The following PURG variants were observed in gnomAD, a reference collection of about 807,000 sequenced individuals.
PURG encodes purine-rich element-binding protein gamma.
In PURG, 3 loss-of-function variants were observed where a neutral mutation model predicts 24.3. That is an observed-to-expected ratio of 0.12 (90% CI 0.06 to 0.32). PURG has a LOEUF of 0.32. Among genes scored for constraint, PURG ranks in the 10% least tolerant of loss-of-function variants. The pLI, the probability that PURG is intolerant of heterozygous loss-of-function variation, is 1.00. For missense variants in PURG, 371 were observed against 439.1 expected (o/e 0.84, Z 1.39); for synonymous variants, 180 against 173.1 (o/e 1.04, Z -0.31).
At chr8:31,007,921 AT>A (rs1810685984) in intron 1 of PURG, among the ~76,000 whole-genome samples, 1 of 152,182 alleles carries the variant, frequency 6.6e-6, no homozygotes. Flanking sequence ...TGGATAGTTT[AT>A]TCATTTTCTT....
downstream of PURG, among the ~76,000 whole-genome samples, chr8:31,025,963 A>T (rs1177315199): frequency 2.0e-5 from 3 of 151,862 alleles, no homozygotes; most frequent in African/African-American, 7.2e-5. Context: ...CTTCAGTGAA[A>T]AATCAATGCT....
At chr8:31,021,720 T>C (rs908932269) in intron 1 of PURG, among the ~76,000 whole-genome samples, 1 of 152,204 alleles carries the variant, frequency 6.6e-6, no homozygotes, top group Non-Finnish European at 1.5e-5. Context: ...TGGGTTCAAA[T>C]ACATTAGTTC....
chr8:30,997,332 C>T (rs1810448588), intron 1 of PURG, among the ~76,000 whole-genome samples: 1 of 151,708 alleles, frequency 6.6e-6, no homozygotes, highest in South Asian at 2.1e-4. Flanking sequence ...CTCAGCATCA[C>T]AAAATACTCA....
At chr8:31,029,481 C>A (rs2129848967), downstream of PURG, among the ~76,000 whole-genome samples, 1 of 151,490 alleles carries the variant, frequency 6.6e-6, no homozygotes, top group South Asian at 2.1e-4. Context: ...TGTATACACA[C>A]ATATATATGT....
At chr8:31,030,686 C>T (rs138953206), downstream of PURG, among the ~76,000 whole-genome samples, 2 of 150,606 alleles carry the variant, frequency 1.3e-5, no homozygotes, top group East Asian at 3.9e-4. Flanking sequence ...AATTAAAACA[C>T]CTGTAAAATT....
intron 1 of PURG, among the ~76,000 whole-genome samples, chr8:31,018,220 A>G (rs971215791): frequency 6.6e-6 from 1 of 152,228 alleles, no homozygotes; most frequent in South Asian, 2.1e-4. Context: ...TGTTTTCACA[A>G]TAATATTAGA....
chr8:31,022,392 GT>G (rs1464214744), intron 1 of PURG, among the ~76,000 whole-genome samples: 2 of 152,186 alleles, frequency 1.3e-5, no homozygotes, highest in African/African-American at 4.8e-5. Flanking sequence ...AGTCAAATCT[GT>G]TTTCTATTCA....
intron 1 of PURG, among the ~76,000 whole-genome samples, chr8:31,012,272 T>C (rs1810777603): frequency 6.6e-6 from 1 of 152,220 alleles, no homozygotes; most frequent in African/African-American, 2.4e-5. Context: ...AAAAAATCTC[T>C]TGGAACTGGA....
Position 31,002,927 on chromosome 8 carries a change from T to G in PURG, c.865-6230A>C, listed in dbSNP as rs1458078757. Among the ~76,000 whole-genome samples the G allele has an allele frequency of 2.0e-5, 3 of 152,352 alleles. No individual in the cohort carries two copies. The East Asian group carries it at 5.8e-4, about 29-fold the overall frequency. On this transcript the variant is annotated intron_variant, in intron 1 of 1. Transcript: ENST00000339382. ...TTAATTACTACAACCAAAACGATAA[T>G]GAACTGTTTAGAGACTTCAATTCAT...
chr8:31,029,881 C>T (rs1210853666), downstream of PURG, among the ~76,000 whole-genome samples: 1 of 151,716 alleles, frequency 6.6e-6, no homozygotes, highest in East Asian at 1.9e-4. Context: ...GTCTCAACAC[C>T]CACCATGTGC....
chr8:31,001,029 T>C (rs1316666347), intron 1 of PURG, among the ~76,000 whole-genome samples: 2 of 152,204 alleles, frequency 1.3e-5, no homozygotes, highest in Non-Finnish European at 2.9e-5. Flanking sequence ...CATTTAAATA[T>C]TGGAGAAATA....
At chr8:31,024,973 G>C (rs1392648532) in intron 1 of PURG, among the ~76,000 whole-genome samples, 1 of 151,934 alleles carries the variant, frequency 6.6e-6, no homozygotes, top group Non-Finnish European at 1.5e-5. Context: ...TGAAGACAGA[G>C]AACTGCTACT....
intron 1 of PURG, among the ~76,000 whole-genome samples, chr8:31,008,716 T>G (rs941189185): frequency 6.6e-6 from 1 of 152,196 alleles, no homozygotes; most frequent in African/African-American, 2.4e-5. Context: ...CAGCACATAG[T>G]AGGTGATTGA....
intron 1 of PURG, among the ~76,000 whole-genome samples, chr8:31,005,880 A>G (rs759361428): frequency 2.0e-5 from 3 of 150,984 alleles, no homozygotes; most frequent in Non-Finnish European, 4.4e-5. Context: ...CACGGGTTTT[A>G]TATCAGGGGC....
chr8:31,002,906 TTAC>T (rs1810566715), intron 1 of PURG, among the ~76,000 whole-genome samples: 1 of 152,222 alleles, frequency 6.6e-6, no homozygotes, highest in African/African-American at 2.4e-5. Flanking sequence ...TTAAAATTAA[TTAC>T]TACAACCAAA....
chr8:31,008,896 T>A (rs927601774), intron 1 of PURG, among the ~76,000 whole-genome samples: 6 of 152,190 alleles, frequency 3.9e-5, no homozygotes, highest in Non-Finnish European at 8.8e-5. Context: ...CTGATAACTT[T>A]AGGGGATCCA....
At position 31,015,023 on chromosome 8, in the gene PURG, G is replaced by C. The variant is rs546524991; in HGVS notation, c.864+16896C>G. Among the ~76,000 whole-genome samples the C allele has an allele frequency of 7.9e-5, 12 of 152,288 alleles. No homozygotes were observed. The South Asian group carries it at 1.2e-3, about 16-fold the overall frequency. On this transcript the variant is annotated intron_variant, in intron 1 of 1. Transcript: ENST00000339382. ...GCATGTGAGAATTCTAACAATACAG[G>C]AGATAAGCTTTATACTTGGAGAGCT...
chr8:31,031,611 T>C lies in PURG; in HGVS notation c.*128A>G, dbSNP rs556499646. On this transcript the variant is annotated 3_prime_UTR_variant, in exon 2 of 2. Transcript: ENST00000523392. ...CATGAGAATCAGACTTCCTGAAGTA[T>C]CAACTACTAGAGGTATTACTAATAA... 8.9e-5 allele frequency: 68 copies of C among 768,084 alleles called. 1 individual carries two copies. In the South Asian group the frequency reaches 1.2e-3, roughly 13 times the overall value. 47.6% of individuals were successfully genotyped at this position (768,084 alleles called of 1,614,324 possible).
At chr8:31,016,597 A>C (rs1213208767) in intron 1 of PURG, among the ~76,000 whole-genome samples, 3 of 144,540 alleles carry the variant, frequency 2.1e-5, no homozygotes, top group East Asian at 2.1e-4. Context: ...AAAAAAAAAA[A>C]AAAAAAAAAA....
Sources: allele counts gnomAD v4.1 joint callset (sites outside exome capture counted in the v4.1 genomes callset), GRCh38; gene constraint gnomAD v4.1.1; transcripts MANE v1.5; gene names NCBI Gene and HGNC (gene_info 2026-07-23, HGNC 2026-07-21).